PKD1: variants seen among roughly 807,000 people sequenced by gnomAD.
The protein encoded by PKD1 is polycystin-1.
Under a neutral mutation model 361.7 loss-of-function variants are expected in PKD1, and 81 were observed. The ratio of observed to expected loss-of-function variants is 0.22; its 90% CI spans 0.19 to 0.27. The LOEUF is 0.27. Among genes scored for constraint, PKD1 ranks in the 10% least tolerant of loss-of-function variants. The pLI is 1.00. For missense variants in PKD1, 6,399 were observed against 6,118.3 expected, an observed-to-expected ratio of 1.05 and a Z score of -1.53; for synonymous variants, 3,615 against 2,818.3, an observed-to-expected ratio of 1.28 and a Z score of -8.95.
intron 1 of PKD1, among the ~76,000 whole-genome samples, chr16:2,125,136 G>C (rs2092778904): frequency 6.6e-6 from 1 of 152,376 alleles, no homozygotes; most frequent in South Asian, 2.1e-4. Context: ...TTTAAGGAGA[G>C]TGAGGCGGCT....
chr16:2,110,610 G>A lies in PKD1; in HGVS notation c.4557C>T (p.Ser1519=), dbSNP rs756294279. 2 of 1,610,466 alleles carry A rather than the reference G, an allele frequency of 1.2e-6. No homozygotes were observed. The highest frequency in any genetic ancestry group is 4.5e-5 in the East Asian group (2 of 44,862). The stretch of plus-strand genomic sequence containing the variant: ...CCACCCTAACGGTGAAGTCACCTGT[G>A]CTGTTGTAAGCGTGGGTGACCTCCG... The part of the protein sequence containing the change: ...EGPEVTHAYN[S]TGDFTVRVAG... Residue 1519 remains serine, a synonymous_variant, in exon 15 of 46, where the codon AGC becomes AGT. Transcript: ENST00000262304.
Position 2,091,798 on chromosome 16 carries a change from G to C in PKD1, c.11520C>G (p.His3840Gln). The change falls in exon 41 of 46, where the codon CAC (histidine) becomes CAG (glutamine). Residue 3840 changes from histidine (H) to glutamine (Q), a missense_variant. Coordinates refer to ENST00000262304, the MANE Select transcript of PKD1 (RefSeq NM_001009944.3). The part of the protein sequence containing the change: ...SRDRLRFLQL[H>Q]NWLDNRSRAV... ...GCTCCCACCTGTTGTCCAGCCAGTT[G>C]TGCAGCTGCAGGAAGCGCAGCCGGT... is the stretch of plus-strand genomic sequence containing the variant. The C allele has an allele frequency of 1.6e-5, 26 of 1,611,052 alleles. No individual in the cohort carries two copies. Among genetic ancestry groups the C allele is most frequent in the Non-Finnish European group, 2.2e-5 (26 of 1,179,522 alleles).
In PKD1 at chr16:2,089,186, G is replaced by A. The variant is rs980553044; in HGVS notation, c.*541C>T. ...GCCACCACACCTACCAAGCGCAGCA[G>A]GTGTTGGGGGAGGCCAGCTCTGGGC... On this transcript the variant is annotated 3_prime_UTR_variant, in exon 46 of 46. Transcript: ENST00000262304. 1 of 173,814 alleles carries A rather than the reference G, an allele frequency of 5.8e-6. No homozygotes were observed. Among genetic ancestry groups the A allele is most frequent in the African/African-American group, 2.4e-5 (1 of 41,880 alleles). The allele number at this position is 173,814 out of a possible 1,614,324, so 10.8% of individuals were successfully genotyped here.
At position 2,111,192 on chromosome 16, in the gene PKD1, G is replaced by A. The variant is rs758222643; in HGVS notation, c.3975C>T (p.Leu1325=). ...AYVTGNPAHY[L]FDWTFGDGSS... ...AGCCATCCCCGAAGGTCCAGTCGAAGAGGTAGTGGGCCGGGTTCCCGGTGA... is the reference window on the plus strand; with the variant it reads ...AGCCATCCCCGAAGGTCCAGTCGAAAAGGTAGTGGGCCGGGTTCCCGGTGA... The change falls in exon 15 of 46, where the codon CTC becomes CTT. Residue 1325 remains leucine, a synonymous_variant. Transcript: ENST00000262304. 5.0e-6 allele frequency: 8 copies of A among 1,611,378 alleles called. No individual in the cohort carries two copies. Among genetic ancestry groups the A allele is most frequent in the Non-Finnish European group, 6.8e-6 (8 of 1,179,738 alleles).
chr16:2,133,873 G>C (rs965862062), intron 1 of PKD1, among the ~76,000 whole-genome samples: 15 of 151,900 alleles, frequency 9.9e-5, no homozygotes, highest in Non-Finnish European at 1.0e-4. Flanking sequence ...GACAACACAA[G>C]GCAGGGGCGG....
chr16:2,104,774 A>C (rs1367496259), intron 21 of PKD1, 132 bp from the exon 22 acceptor site: 83 of 786,760 alleles, frequency 1.1e-4, no homozygotes, highest in Non-Finnish European at 1.4e-4. Context: ...CTGGACCCCC[A>C]CAGCCTCCTC....
Position 2,090,347 on chromosome 16 carries a change from C to G in PKD1, c.12382G>C (p.Glu4128Gln), listed in dbSNP as rs1596473289. The G allele has an allele frequency of 6.2e-7, 1 of 1,612,530 alleles. No individual in the cohort carries two copies. Among genetic ancestry groups the G allele is most frequent in the Non-Finnish European group, 8.5e-7 (1 of 1,179,842 alleles). ...CTGCGCAGGAACAACTCCACCATCT[C>G]GTAGTCCTGGGGCTCCCAGGCCGGC... ...YRPAWEPQDY[E>Q]MVELFLRRLR... is the part of the protein sequence containing the mutation. The change falls in exon 45 of 46, where the codon GAG becomes CAG. Residue 4128 changes from glutamate (E) to glutamine (Q), a missense_variant. Physicochemically the swap from Glu to Gln is conservative, Grantham distance 29. Transcript: ENST00000262304.
At chr16:2,113,339 C>A in intron 11 of PKD1, 47 bp from the exon 12 acceptor site, 1 of 1,591,692 alleles carries the variant, frequency 6.3e-7, no homozygotes, top group Non-Finnish European at 8.5e-7. Context: ...GGACTCTGCC[C>A]TTAGCCTGTC....
intron 30 of PKD1, among the ~76,000 whole-genome samples, chr16:2,098,431 G>GCA (rs1426768783): frequency 1.4e-4 from 21 of 149,502 alleles, no homozygotes; most frequent in African/African-American, 5.0e-4. Context: ...GCTGGTCTTG[G>GCA]AACTCCTGAC....
rs2092940705 is a variant in PKD1 at position 2,135,556 on chromosome 16, G to A, written c.134C>T (p.Ala45Val). The part of the protein sequence containing the change: ...PPCLCGPAPG[A>V]ACRVNCSGRG... ...GCCCGAGCAGTTGACGCGGCAGGCG[G>A]CGCCGGGCGCTGGGCCGCAGAGGCA... The change falls in exon 1 of 46, where the codon GCC (alanine) becomes GTC (valine). Residue 45 changes from alanine to valine, a missense_variant. Physicochemically the swap from Ala to Val is moderately conservative, Grantham distance 64. Transcript: ENST00000262304. The A allele has an allele frequency of 2.7e-6, 3 of 1,125,578 alleles. No homozygotes were observed. The highest frequency in any genetic ancestry group is 3.3e-6 in the Non-Finnish European group (3 of 920,580). The allele number at this position is 1,125,578 out of a possible 1,614,324, so 69.7% of individuals were successfully genotyped here. A position where few individuals can be genotyped will look rare whatever the true frequency, so the allele number is the denominator to read the frequency against.
intron 1 of PKD1, among the ~76,000 whole-genome samples, chr16:2,125,472 CT>C (rs2092785347): frequency 6.6e-6 from 1 of 152,220 alleles, no homozygotes; most frequent in Non-Finnish European, 1.5e-5. Context: ...CACGGCTGAA[CT>C]GTCCCCAGGA....
chr16:2,114,218 G>C lies in PKD1; in HGVS notation c.2805C>G (p.Leu935=). The C allele has an allele frequency of 1.2e-6, 2 of 1,609,920 alleles. No homozygotes were observed. The highest frequency in any genetic ancestry group is 1.7e-6 in the Non-Finnish European group (2 of 1,179,520). The stretch of plus-strand genomic sequence containing the variant: ...GGGCCTCGGGGCTGGGCGTGGCGCG[G>C]AGGCCACAGATGGGCTCCTCCGCCG... ...RVTAEEPICG[L]RATPSPEARV... Residue 935 remains leucine (L), a synonymous_variant, in exon 11 of 46, where the codon CTC becomes CTG. Transcript: ENST00000262304.
intron 12 of PKD1, 58 bp from the exon 13 acceptor site, chr16:2,113,021 G>C: frequency 3.3e-6 from 5 of 1,521,692 alleles, no homozygotes; most frequent in Admixed American, 3.3e-5. Flanking sequence ...GCCCTGATTG[G>C]CGTCCCTCCC....
In PKD1 at chr16:2,112,669, A is replaced by G; in HGVS notation, c.3161+119T>C. The stretch of plus-strand genomic sequence containing the variant: ...GCTCCTGTGCACCCAGTTACCTCCC[A>G]ACAGACAGGGAAACCGAGGCTCAGA... On this transcript the variant is annotated intron_variant, in intron 13 of 45. Transcript: ENST00000262304. 7.4e-6 allele frequency: 9 copies of G among 1,218,968 alleles called. No individual in the cohort carries two copies. In the South Asian group the frequency reaches 1.1e-4, roughly 16 times the overall value. The allele number at this position is 1,218,968 out of a possible 1,614,324, so 75.5% of individuals were successfully genotyped here.
intron 14 of PKD1, among the ~76,000 whole-genome samples, 153 bp from the exon 15 acceptor site, chr16:2,112,024 G>A (rs1246985150): frequency 1.3e-5 from 2 of 152,228 alleles, no homozygotes; most frequent in African/African-American, 4.8e-5. Flanking sequence ...GTGCGGGACG[G>A]AGCACAGGTG....
Position 2,090,994 on chromosome 16 carries a change from G to T in PKD1, c.11893C>A (p.Arg3965Ser). Residue 3965 changes from arginine to serine, a missense_variant, in exon 43 of 46, where the codon CGT (arginine) becomes AGT (serine). Coordinates refer to ENST00000262304, the MANE Select transcript of PKD1 (RefSeq NM_001009944.3). ...CGGCGCGGGCGGCCGCGCACGAAAC[G>T]GGTCCACTGGCGGTCAGCGGCACCC... Reference protein sequence around the residue: ...QLGAADRQWTRFVRGRPRRFT... With the variant: ...QLGAADRQWTSFVRGRPRRFT... 1.3e-6 allele frequency: 2 copies of T among 1,535,494 alleles called. No individual in the cohort carries two copies. Among genetic ancestry groups the T allele is most frequent in the Non-Finnish European group, 1.7e-6 (2 of 1,146,556 alleles).
rs200126233 is a variant in PKD1, at chr16:2,090,722, G to A, written c.12090C>T (p.Thr4030=). ...CTACCCCGAGCACCACCAGGCCCAA[G>A]GTGACCCCCAGGAGCTCTGGCAGAG... ...CRALPELLGV[T]LGLVVLGVAY... The change falls in exon 44 of 46, where the codon ACC becomes ACT. Residue 4030 remains threonine (T), a synonymous_variant. Transcript: ENST00000262304. 10 of 1,612,568 alleles carry A rather than the reference G, an allele frequency of 6.2e-6. No individual in the cohort carries two copies. The highest frequency in any genetic ancestry group is 2.2e-5 in the East Asian group (1 of 44,860).
Position 2,106,246 on chromosome 16 carries a change from G to C in PKD1, c.7548C>G (p.Arg2516=), listed in dbSNP as rs748161282. 6.2e-7 allele frequency: 1 copy of C among 1,610,150 alleles called. No homozygotes were observed. Among genetic ancestry groups the C allele is most frequent in the East Asian group, 2.2e-5 (1 of 44,884 alleles). ...ACTCCTCGCAGTGGCCCTGGCGACAGCGCCGCAGCAGCAGGGCGTACACCA... is the reference window on the plus strand; with the variant it reads ...ACTCCTCGCAGTGGCCCTGGCGACACCGCCGCAGCAGCAGGGCGTACACCA... ...APLVYALLLR[R]CRQGHCEEFC... Residue 2516 remains arginine (R), a synonymous_variant, in exon 19 of 46, where the codon CGC becomes CGG. Transcript: ENST00000262304. This position sits in a 1 kb window ranked among gnomAD's most constrained non-coding sequence, Gnocchi z 6.5.
Position 2,088,881 on chromosome 16 carries a change from G to GCACA in PKD1, c.*842_*845dup, listed in dbSNP as rs56279647. 2,423 of 421,316 alleles carry GCACA rather than the reference G, an allele frequency of 5.8e-3. 7 individuals are homozygous for GCACA. The highest frequency in any genetic ancestry group is 0.015 in the East Asian group (350 of 23,816). The allele number at this position is 421,316 out of a possible 1,614,324, so 26.1% of individuals were successfully genotyped here. A position where few individuals can be genotyped will look rare whatever the true frequency, so the allele number is the denominator to read the frequency against. Reference sequence around the variant, plus strand: ...ACAGCACACTCGCGCGTGCGCGCGCGCACACACACACACACACAGTCACCT... The same window carrying GCACA: ...ACAGCACACTCGCGCGTGCGCGCGCGCACACACACACACACACACACAGTCACCT... On this transcript the variant is annotated 3_prime_UTR_variant, in exon 46 of 46. Coordinates refer to ENST00000262304, the MANE Select transcript of PKD1 (RefSeq NM_001009944.3).
Sources: gnomAD v4.1 joint callset for allele counts (sites outside exome capture counted in the v4.1 genomes callset) on GRCh38, gnomAD v4.1.1 for gene constraint, Gnocchi (gnomAD v3.1) non-coding constraint, MANE v1.5 for transcripts, NCBI Gene and HGNC (gene_info 2026-07-23, HGNC 2026-07-21) for gene names.